The following NAPEPLD variants were observed in gnomAD, a reference collection of about 807,000 sequenced individuals.
The protein encoded by NAPEPLD is N-acyl-phosphatidylethanolamine-hydrolyzing phospholipase D.
NAPEPLD carries 23 observed loss-of-function variants against 38.1 expected under a neutral mutation model. The observed-to-expected ratio is 0.60, with a 90% confidence interval of 0.43 to 0.86. NAPEPLD has a LOEUF of 0.86. Ranked by LOEUF, NAPEPLD falls within the 40% of genes least tolerant of loss-of-function variation. The pLI, the probability that NAPEPLD is intolerant of heterozygous loss-of-function variation, is 0.00. For missense variants in NAPEPLD, 411 were observed against 476.8 expected, an observed-to-expected ratio of 0.86 and a Z score of 1.28; for synonymous variants, 147 against 162.0, an observed-to-expected ratio of 0.91 and a Z score of 0.71.
At chr7:103,106,967 C>CCAG (rs1188895110) in intron 4 of NAPEPLD, among the ~76,000 whole-genome samples, 2 of 152,186 alleles carry the variant, frequency 1.3e-5, no homozygotes, top group Non-Finnish European at 2.9e-5. Context: ...GAGACACCTC[C>CCAG]CAGTAGGGGC....
upstream of NAPEPLD, chr7:103,149,607 G>C: frequency 1.4e-6 from 1 of 696,876 alleles, no homozygotes. Context: ...CTGTGGGCCG[G>C]GGCGCCGAAG....
chr7:103,128,104 A>G (rs570078701), intron 2 of NAPEPLD: 1 of 214,676 alleles, frequency 4.7e-6, no homozygotes, highest in East Asian at 1.2e-4. Context: ...CAGAGCAGGT[A>G]ATACACTGTC....
intron 1 of NAPEPLD, among the ~76,000 whole-genome samples, chr7:103,137,685 G>A (rs1409342399): frequency 1.3e-5 from 2 of 151,958 alleles, no homozygotes; most frequent in Non-Finnish European, 2.9e-5. Context: ...GTGTGGTGGT[G>A]CGCATCTGTA....
rs1231684136 is a variant in NAPEPLD at position 103,102,825 on chromosome 7, G to T, written c.*604C>A. 1 of 152,536 alleles carries T rather than the reference G, an allele frequency of 6.6e-6. No homozygotes were observed. The highest frequency in any genetic ancestry group is 2.4e-5 in the African/African-American group (1 of 41,440). 9.4% of individuals were successfully genotyped at this position (152,536 alleles called of 1,614,324 possible). Reference sequence around the variant, plus strand: ...TATTTATATATTTTACCACAATAGAGAAAATCAAGTCTTTAAAAATGATAG... The same window carrying T: ...TATTTATATATTTTACCACAATAGATAAAATCAAGTCTTTAAAAATGATAG... On this transcript the variant is annotated 3_prime_UTR_variant, in exon 5 of 5. Coordinates refer to ENST00000465647, the MANE Select transcript of NAPEPLD (RefSeq NM_001122838.3).
At chr7:103,142,343 T>C (rs775781750) in intron 1 of NAPEPLD, among the ~76,000 whole-genome samples, 1 of 151,626 alleles carries the variant, frequency 6.6e-6, no homozygotes. Context: ...TGGTGACTCA[T>C]GCCTGTAATC....
At chr7:103,131,821 C>T (rs1043224428) in intron 1 of NAPEPLD, among the ~76,000 whole-genome samples, 10 of 152,160 alleles carry the variant, frequency 6.6e-5, no homozygotes, top group Admixed American at 3.3e-4. Flanking sequence ...ACTTAAAAGG[C>T]TGTGTACTTA....
At chr7:103,146,770 C>T (rs572321705) in intron 1 of NAPEPLD, among the ~76,000 whole-genome samples, 1 of 152,220 alleles carries the variant, frequency 6.6e-6, no homozygotes, top group East Asian at 1.9e-4. Flanking sequence ...ATTGGAACCC[C>T]GCTGTAACAA....
intron 3 of NAPEPLD, among the ~76,000 whole-genome samples, chr7:103,116,438 C>T (rs1317321141): frequency 2.6e-5 from 4 of 152,138 alleles, no homozygotes; most frequent in Non-Finnish European, 4.4e-5. Context: ...AGATATTTTA[C>T]AGTCCTGGAT....
chr7:103,140,225 T>C (rs1810934564), intron 1 of NAPEPLD, among the ~76,000 whole-genome samples: 1 of 152,096 alleles, frequency 6.6e-6, no homozygotes, highest in Admixed American at 6.5e-5. Flanking sequence ...ACAGTTTTAA[T>C]GAGATAGTAG....
chr7:103,148,203 G>C (rs1812968926), intron 1 of NAPEPLD: 1 of 660,660 alleles, frequency 1.5e-6, no homozygotes, highest in Non-Finnish European at 1.9e-6. Flanking sequence ...TGACTTCCTG[G>C]ACAAATTAAT....
chr7:103,123,034 T>C (rs370910594), intron 2 of NAPEPLD, among the ~76,000 whole-genome samples: 1 of 152,374 alleles, frequency 6.6e-6, no homozygotes, highest in East Asian at 1.9e-4. Context: ...CCACATGTGC[T>C]GTGTCCCACC....
chr7:103,106,293 G>A (rs930772755), intron 4 of NAPEPLD, among the ~76,000 whole-genome samples: 5 of 152,032 alleles, frequency 3.3e-5, no homozygotes, highest in African/African-American at 1.2e-4. Flanking sequence ...CAGGGCCCTG[G>A]GTTTCAAGCA....
In NAPEPLD at chr7:103,115,117, A is replaced by G. The variant is rs780829844; in HGVS notation, c.999T>C (p.Asp333=). The change falls in exon 4 of 5, where the codon GAT becomes GAC. Residue 333 remains aspartate (D), a synonymous_variant. Coordinates refer to ENST00000465647, the MANE Select transcript of NAPEPLD (RefSeq NM_001122838.3). ...TTGCCATAGATTTCTTTGTTTGGAC[A>G]TCAGTGTGAATCCTTACAGCTTCTT... is the stretch of plus-strand genomic sequence containing the variant. ...DPEEAVRIHT[D]VQTKKSMAIH... The G allele has an allele frequency of 3.1e-6, 5 of 1,614,076 alleles. No individual in the cohort carries two copies. The East Asian group carries it at 6.7e-5, about 22-fold the overall frequency.
chr7:103,114,055 C>G (rs1432233352), intron 4 of NAPEPLD, among the ~76,000 whole-genome samples: 1 of 151,552 alleles, frequency 6.6e-6, no homozygotes, highest in Non-Finnish European at 1.5e-5. Context: ...CGCACCACCA[C>G]GCCTGGCTAT....
intron 4 of NAPEPLD, among the ~76,000 whole-genome samples, chr7:103,113,266 C>T (rs1804886988): frequency 6.6e-6 from 1 of 152,200 alleles, no homozygotes; most frequent in African/African-American, 2.4e-5. Flanking sequence ...CATTTATATT[C>T]TCATTTATCC....
At chr7:103,149,925 G>T (rs572777244), upstream of NAPEPLD, among the ~76,000 whole-genome samples, 3 of 152,304 alleles carry the variant, frequency 2.0e-5, no homozygotes, top group South Asian at 6.2e-4. Context: ...AATTTGAAAT[G>T]TTGTACAGTA....
At chr7:103,149,504 G>C (rs748863358), upstream of NAPEPLD, 4 of 1,263,476 alleles carry the variant, frequency 3.2e-6, no homozygotes, top group Middle Eastern at 4.5e-4. Context: ...TCGTCGCCGG[G>C]TCACTCCCTT....
intron 1 of NAPEPLD, among the ~76,000 whole-genome samples, chr7:103,131,022 G>A (rs994357915): frequency 6.6e-6 from 1 of 152,168 alleles, no homozygotes; most frequent in African/African-American, 2.4e-5. Context: ...ACCTCACTTC[G>A]TTTAACAGAT....
At chr7:103,104,356 G>C (rs1802878993) in intron 4 of NAPEPLD, among the ~76,000 whole-genome samples, 1 of 152,220 alleles carries the variant, frequency 6.6e-6, no homozygotes, top group Non-Finnish European at 1.5e-5. Context: ...ATTCCCAAGG[G>C]AGAAACCAAC....
Sources: gnomAD v4.1 joint callset for allele counts (sites outside exome capture counted in the v4.1 genomes callset) on GRCh38, gnomAD v4.1.1 for gene constraint, MANE v1.5 for transcripts, NCBI Gene and HGNC (gene_info 2026-07-23, HGNC 2026-07-21) for gene names.